The following TSPAN19 variants were observed in gnomAD, a reference collection of about 807,000 sequenced individuals.
TSPAN19 encodes the protein tetraspanin 19.
TSPAN19 carries 44 observed loss-of-function variants against 35.1 expected under a neutral mutation model. The observed-to-expected ratio is 1.25, with a 90% CI of 0.98 to 1.61. The LOEUF (loss-of-function observed/expected upper bound fraction) is 1.61. Ranked by LOEUF, TSPAN19 falls within the 40% of genes most tolerant of loss-of-function variation. The pLI is 0.00. For missense variants in TSPAN19, 290 were observed against 280.0 expected (o/e 1.04, Z -0.26); for synonymous variants, 79 against 92.0 (o/e 0.86, Z 0.81).
chr12:85,014,827 A>G (rs1876701392), intron 8 of TSPAN19: 1 of 237,630 alleles, frequency 4.2e-6, no homozygotes, highest in African/African-American at 2.2e-5. Context: ...ACTGAGCTAC[A>G]TGCCTGGACA....
intron 8 of TSPAN19, chr12:85,015,551 C>G (rs1018932559): frequency 6.1e-6 from 1 of 163,350 alleles, no homozygotes; most frequent in African/African-American, 2.4e-5. Flanking sequence ...TACACACACA[C>G]ACACACACAC....
At chr12:85,014,858 T>C in intron 8 of TSPAN19, 1 of 203,396 alleles carries the variant, frequency 4.9e-6, no homozygotes. Context: ...GGTTTTCTTG[T>C]TGTTGTTGTT....
intron 1 of TSPAN19, among the ~76,000 whole-genome samples, chr12:85,033,486 T>C (rs1218180936): frequency 2.0e-5 from 3 of 151,952 alleles, no homozygotes; most frequent in Non-Finnish European, 2.9e-5. Context: ...ATATGAGAGA[T>C]GTAGTAGGAA....
intron 1 of TSPAN19, among the ~76,000 whole-genome samples, chr12:85,034,723 C>T (rs1877849731): frequency 6.6e-6 from 1 of 152,160 alleles, no homozygotes; most frequent in Non-Finnish European, 1.5e-5. Flanking sequence ...TATTAGATAA[C>T]TGCTGCCTTT....
chr12:85,014,612 G>A (rs1370288307), intron 8 of TSPAN19, 57 bp from the exon 9 acceptor site: 1 of 1,348,382 alleles, frequency 7.4e-7, no homozygotes, highest in Non-Finnish European at 1.0e-6. Flanking sequence ...AGAGTAATTT[G>A]CAAAGTTAAC....
rs377163305 is a variant in TSPAN19, at chr12:85,019,638, G to T, written c.438C>A (p.Ala146=). Residue 146 remains alanine, a synonymous_variant, in exon 6 of 9, where the codon GCC becomes GCA. Transcript: ENST00000532498. ...AATTTCATCTTACTGTTTTCTGTAAGGCATTCAGAATAGTCCACTTGGTTA... is the reference window on the plus strand; with the variant it reads ...AATTTCATCTTACTGTTTTCTGTAATGCATTCAGAATAGTCCACTTGGTTA... ...EDITKWTILN[A]LQKTLQCCGQ... 1.5e-5 allele frequency: 24 copies of T among 1,592,230 alleles called. No homozygotes were observed. The African/African-American group carries it at 3.0e-4, about 20-fold the overall frequency.
At chr12:85,016,217 T>C (rs1876787333) in intron 7 of TSPAN19, 2 of 342,758 alleles carry the variant, frequency 5.8e-6, no homozygotes, top group Middle Eastern at 8.1e-4. Flanking sequence ...TGTTACACTT[T>C]AGAAAGAGAT....
In TSPAN19 at chr12:85,027,902, A is replaced by T; in HGVS notation, c.261T>A (p.Ile87=). ...ACTATTGACATGAAATACGTACCAC[A>T]ATTAGGAGCCATCTGATTTCGTTGT... ...GIHNEIRWLL[I]VYAVLITWTF... Residue 87 remains isoleucine (I), a synonymous_variant, in exon 4 of 9, where the codon ATT becomes ATA. Coordinates refer to ENST00000532498, the MANE Select transcript of TSPAN19 (RefSeq NM_001100917.2). 1 of 1,568,690 alleles carries T rather than the reference A, an allele frequency of 6.4e-7. No homozygotes were observed. Among genetic ancestry groups the T allele is most frequent in the Non-Finnish European group, 8.6e-7 (1 of 1,158,160 alleles).
At chr12:85,028,117 A>G (rs1877513293) in intron 3 of TSPAN19, 94 bp from the exon 4 acceptor site, 3 of 1,112,110 alleles carry the variant, frequency 2.7e-6, no homozygotes, top group African/African-American at 3.3e-5. Flanking sequence ...GCAGCAATCA[A>G]AAGTTTTTCT....
chr12:85,035,906 AT>A (rs1202307547), intron 1 of TSPAN19, among the ~76,000 whole-genome samples: 1 of 151,914 alleles, frequency 6.6e-6, no homozygotes, highest in Non-Finnish European at 1.5e-5. Context: ...TTGATTGATG[AT>A]TTTTTTCTTT....
chr12:85,032,494 CG>C (rs1173497844), intron 1 of TSPAN19, among the ~76,000 whole-genome samples: 1 of 152,070 alleles, frequency 6.6e-6, no homozygotes, highest in Non-Finnish European at 1.5e-5. Flanking sequence ...ACTTAGTAAG[CG>C]CAAATGTAGG....
chr12:85,020,078 A>C (rs550518627), intron 5 of TSPAN19, among the ~76,000 whole-genome samples: 29 of 152,092 alleles, frequency 1.9e-4, no homozygotes, highest in South Asian at 6.2e-4. Context: ...AAGTTTGTTG[A>C]GTGTCTTTTC....
intron 6 of TSPAN19, among the ~76,000 whole-genome samples, chr12:85,018,217 T>G (rs1188338801): frequency 6.6e-6 from 1 of 151,918 alleles, no homozygotes; most frequent in African/African-American, 2.4e-5. Context: ...AGAATCTGTT[T>G]ACATATTTGT....
intron 1 of TSPAN19, among the ~76,000 whole-genome samples, chr12:85,030,217 A>C (rs1877617746): frequency 6.6e-6 from 1 of 152,158 alleles, no homozygotes; most frequent in South Asian, 2.1e-4. Context: ...TTGACTAGGC[A>C]ATCAAGAGTA....
intron 3 of TSPAN19, among the ~76,000 whole-genome samples, chr12:85,028,749 T>C (rs1014326855): frequency 1.3e-5 from 2 of 152,172 alleles, no homozygotes; most frequent in Non-Finnish European, 1.5e-5. Flanking sequence ...CTTTGACACC[T>C]TGAAATTGGC....
chr12:85,035,222 C>G (rs1877907453), intron 1 of TSPAN19: 1 of 151,982 alleles, frequency 6.6e-6, no homozygotes, highest in South Asian at 2.1e-4. Flanking sequence ...TGTACCACTG[C>G]ACTCCAGCCT....
Position 85,015,908 on chromosome 12 carries a change from AG to A in TSPAN19, c.657del (p.Phe220LeufsTer4). On this transcript the variant is annotated frameshift_variant, in exon 8 of 9. Coordinates refer to ENST00000532498, the MANE Select transcript of TSPAN19 (RefSeq NM_001100917.2). LOFTEE classifies it high-confidence loss of function. ...NVNVLTLIGI[N>X]FGLLTSEVFQ... ...CTTACCTCTGAAGTTAAAAGTCCAAAGTTAATTCCGATTAAGGTTAACACAT... is the reference window on the plus strand; with the variant it reads ...CTTACCTCTGAAGTTAAAAGTCCAAATTAATTCCGATTAAGGTTAACACAT... The A allele has an allele frequency of 1.9e-6, 3 of 1,548,724 alleles. No homozygotes were observed. Among genetic ancestry groups the A allele is most frequent in the Non-Finnish European group, 2.6e-6 (3 of 1,145,700 alleles).
At position 85,029,904 on chromosome 12, in the gene TSPAN19, T is replaced by G; in HGVS notation, c.43A>C (p.Asn15His). ...ACCAAGAAAGCTCCATTAATGAGAT[T>G]AAGAAAGTACTTAATAATTATTGTT... ...NKTIIIKYFL[N>H]LINGAFLVLG... Residue 15 changes from asparagine to histidine, a missense_variant, in exon 2 of 9, where the codon AAT becomes CAT. Coordinates refer to ENST00000532498, the MANE Select transcript of TSPAN19 (RefSeq NM_001100917.2). 6.8e-7 allele frequency: 1 copy of G among 1,474,228 alleles called. No homozygotes were observed. The highest frequency in any genetic ancestry group is 2.4e-5 in the East Asian group (1 of 41,116). 91.3% of individuals were successfully genotyped at this position (1,474,228 alleles called of 1,614,324 possible).
chr12:85,023,979 G>C (rs1300928042), intron 4 of TSPAN19, among the ~76,000 whole-genome samples: 9 of 151,666 alleles, frequency 5.9e-5, no homozygotes, highest in Admixed American at 5.9e-4. Context: ...CTAAAAAAAA[G>C]GCACAAAAGA....
Sources: allele counts gnomAD v4.1 joint callset (sites outside exome capture counted in the v4.1 genomes callset), GRCh38; gene constraint gnomAD v4.1.1; transcripts MANE v1.5; gene names NCBI Gene and HGNC (gene_info 2026-07-23, HGNC 2026-07-21).